TNRC6B: variants seen among roughly 807,000 people sequenced by gnomAD.
TNRC6B encodes the protein trinucleotide repeat-containing gene 6B protein.
TNRC6B carries 52 observed loss-of-function variants against 203.6 expected under a neutral mutation model. The ratio of observed to expected loss-of-function variants is 0.26; its 90% CI spans 0.20 to 0.32. The LOEUF is 0.32. Among genes scored for constraint, TNRC6B ranks in the 10% least tolerant of loss-of-function variants. The pLI, the probability that TNRC6B is intolerant of heterozygous loss-of-function variation, is 1.00. For missense variants in TNRC6B, 1,923 were observed against 2,286.2 expected (o/e 0.84, Z 3.24); for synonymous variants, 838 against 845.7 (o/e 0.99, Z 0.16).
rs1209051262 is a variant in TNRC6B, at chr22:40,153,388, T to A, written c.46-2727T>A. On this transcript the variant is annotated intron_variant, in intron 3 of 23. Transcript: ENST00000301923. Reference sequence around the variant, plus strand: ...AGCGATTCAGTGGCCTAGAAAGCAATCAATCCAGTTCGGAGCAGGAGAAAC... The same window carrying A: ...AGCGATTCAGTGGCCTAGAAAGCAAACAATCCAGTTCGGAGCAGGAGAAAC... Among the ~76,000 whole-genome samples the A allele has an allele frequency of 2.0e-5, 3 of 152,036 alleles. No individual in the cohort carries two copies. In the East Asian group the frequency reaches 5.8e-4, roughly 29 times the overall value.
chr22:40,139,223 T>C (rs2068625443), intron 3 of TNRC6B, among the ~76,000 whole-genome samples: 1 of 152,202 alleles, frequency 6.6e-6, no homozygotes. Context: ...GTGAGACTTC[T>C]TTCAGTTAGC....
intron 15 of TNRC6B, among the ~76,000 whole-genome samples, chr22:40,302,594 C>G (rs1410623334): frequency 6.6e-6 from 1 of 150,792 alleles, no homozygotes; most frequent in Non-Finnish European, 1.5e-5. Flanking sequence ...GATTGTGCCC[C>G]TGCACTCCCA....
At chr22:40,102,319 T>C (rs2068247510) in intron 1 of TNRC6B, among the ~76,000 whole-genome samples, 1 of 152,230 alleles carries the variant, frequency 6.6e-6, no homozygotes, top group Non-Finnish European at 1.5e-5. Context: ...CAAATGACAG[T>C]GAAAGCCTGC....
intron 1 of TNRC6B, among the ~76,000 whole-genome samples, chr22:40,104,026 G>T (rs1433693507): frequency 6.6e-6 from 1 of 151,358 alleles, no homozygotes; most frequent in Non-Finnish European, 1.5e-5. Context: ...GCCGAGGCAG[G>T]TGGATCACAA....
rs559165359 is a variant in TNRC6B, at chr22:40,230,667, A to G, written c.6-15348A>G. On this transcript the variant is annotated intron_variant, in intron 1 of 22. Transcript: ENST00000454349. ...TCTTTGTCAGATAAGTGATTTGCAG[A>G]TAACTTTTTCTCAGTCTGTGGCTTA... Among the ~76,000 whole-genome samples the G allele has an allele frequency of 1.6e-4, 24 of 152,248 alleles. 1 individual carries two copies. The Middle Eastern group carries it at 0.017, about 108-fold the overall frequency.
rs886926833 is a variant in TNRC6B at position 40,133,862 on chromosome 22, C to T, written c.45+8000C>T. Among the ~76,000 whole-genome samples the T allele has an allele frequency of 8.3e-5, 12 of 145,276 alleles. 1 individual carries two copies. The highest frequency in any genetic ancestry group is 2.5e-4 in the African/African-American group (10 of 39,594). ...GCATGTGCCTGTAATCCCAGCTTCT[C>T]GGGAGGCTGAGGCAGGAGAAGCACT... On this transcript the variant is annotated intron_variant, in intron 3 of 23. Transcript: ENST00000301923.
intron 15 of TNRC6B, among the ~76,000 whole-genome samples, chr22:40,306,976 T>TC (rs761228258): frequency 1.6e-4 from 24 of 152,124 alleles, no homozygotes; most frequent in Non-Finnish European, 3.1e-4. Context: ...TGACAGAGAC[T>TC]CCATCTCCAA....
intron 1 of TNRC6B, among the ~76,000 whole-genome samples, chr22:40,230,072 C>T (rs554764407): frequency 6.6e-6 from 1 of 152,252 alleles, no homozygotes; most frequent in Admixed American, 6.5e-5. Flanking sequence ...TTTACATTCC[C>T]ATCATGAGAG....
chr22:40,144,889 A>G (rs1456130940), intron 3 of TNRC6B, among the ~76,000 whole-genome samples: 1 of 151,710 alleles, frequency 6.6e-6, no homozygotes, highest in Non-Finnish European at 1.5e-5. Context: ...GGAGATGGAA[A>G]TTTTCTGTCT....
intron 1 of TNRC6B, among the ~76,000 whole-genome samples, chr22:40,110,076 A>G (rs183215286): frequency 6.6e-6 from 1 of 152,354 alleles, no homozygotes; most frequent in Admixed American, 6.5e-5. Flanking sequence ...CAATATAGAA[A>G]AAGAACAAAG....
chr22:40,100,249 G>A (rs2068226257), intron 1 of TNRC6B, among the ~76,000 whole-genome samples: 1 of 151,792 alleles, frequency 6.6e-6, no homozygotes, highest in Non-Finnish European at 1.5e-5. Context: ...ACCACACCCA[G>A]CTAATTTTTT....
At chr22:40,063,071 T>A (rs1482393702) in intron 1 of TNRC6B, among the ~76,000 whole-genome samples, 1 of 152,222 alleles carries the variant, frequency 6.6e-6, no homozygotes, top group Admixed American at 6.5e-5. Context: ...TACATTTACA[T>A]CTCTGATCTA....
At chr22:40,095,017 C>T (rs2068176888) in intron 1 of TNRC6B, among the ~76,000 whole-genome samples, 1 of 152,130 alleles carries the variant, frequency 6.6e-6, no homozygotes, top group South Asian at 2.1e-4. Context: ...GTTAGATCAT[C>T]TCAAATCATT....
At chr22:40,214,281 TA>T (rs1034812245) in intron 1 of TNRC6B, among the ~76,000 whole-genome samples, 12 of 144,772 alleles carry the variant, frequency 8.3e-5, no homozygotes, top group South Asian at 4.4e-4. Flanking sequence ...AATAAAACAT[TA>T]AAAAAAAAAG....
intron 1 of TNRC6B, among the ~76,000 whole-genome samples, chr22:40,079,827 G>A (rs576300206): frequency 1.3e-5 from 2 of 151,662 alleles, no homozygotes; most frequent in African/African-American, 2.4e-5. Context: ...ATGGAGTCTC[G>A]CTCTGTCGCC....
intron 3 of TNRC6B, among the ~76,000 whole-genome samples, chr22:40,129,425 A>G (rs895704546): frequency 1.3e-5 from 2 of 152,212 alleles, no homozygotes; most frequent in Non-Finnish European, 2.9e-5. Flanking sequence ...CTGTTCGGGT[A>G]GGACTACATT....
At chr22:40,094,114 A>T (rs187986394) in intron 1 of TNRC6B, among the ~76,000 whole-genome samples, 10 of 152,284 alleles carry the variant, frequency 6.6e-5, no homozygotes, top group African/African-American at 2.2e-4. Context: ...AATAAAAAAA[A>T]TTTTAAAAAC....
At chr22:40,281,392 T>C (rs1219721965) in intron 11 of TNRC6B, 103 bp downstream of exon 11, 1 of 958,142 alleles carries the variant, frequency 1.0e-6, no homozygotes, top group African/African-American at 1.7e-5. Flanking sequence ...ATTTGTTGAT[T>C]ACTGAATGCA....
chr22:40,315,500 C>T lies in TNRC6B; in HGVS notation c.4896C>T (p.Leu1632=), dbSNP rs371024839. Residue 1632 remains leucine, a synonymous_variant, in exon 20 of 23, where the codon CTC becomes CTT. Coordinates refer to ENST00000454349, the MANE Select transcript of TNRC6B (RefSeq NM_001162501.2). ...VRGWGTQDSR[L]ASASTWSDGG... is the part of the protein sequence containing the mutation. ...GGTGGGGGACACAGGACTCACGGCT[C>T]GCCTCGGGTGAGGAGGATCTGCCTA... 1.3e-5 allele frequency: 21 copies of T among 1,613,972 alleles called. No homozygotes were observed. The highest frequency in any genetic ancestry group is 1.6e-5 in the Non-Finnish European group (19 of 1,179,884).
Sources: allele counts gnomAD v4.1 joint callset (sites outside exome capture counted in the v4.1 genomes callset), GRCh38; gene constraint gnomAD v4.1.1; transcripts MANE v1.5; gene names NCBI Gene and HGNC (gene_info 2026-07-23, HGNC 2026-07-21).